The following LYPD6 variants were observed in gnomAD, a reference collection of about 807,000 sequenced individuals.
LYPD6 encodes LY6/PLAUR domain containing 6.
A neutral mutation model predicts 22.7 loss-of-function variants in LYPD6; 15 were observed. The ratio of observed to expected loss-of-function variants is 0.66; its 90% CI spans 0.44 to 1.02. The LOEUF is 1.02. Among genes scored for constraint, LYPD6 ranks in the 50% least tolerant of loss-of-function variants. The pLI, the probability that LYPD6 is intolerant of heterozygous loss-of-function variation, is 0.00. For synonymous variants in LYPD6, 72 were observed against 77.5 expected, an observed-to-expected ratio of 0.93 and a Z score of 0.37; for missense variants, 189 against 208.4, an observed-to-expected ratio of 0.91 and a Z score of 0.57.
At chr2:149,464,093 C>G (rs1681146710) in intron 3 of LYPD6, 1 of 405,288 alleles carries the variant, frequency 2.5e-6, no homozygotes, top group East Asian at 8.3e-5. Context: ...CTACAGTTAT[C>G]TCAAAATAAT....
intron 1 of LYPD6, among the ~76,000 whole-genome samples, chr2:149,428,702 T>C (rs1304670382): frequency 1.3e-5 from 2 of 152,206 alleles, no homozygotes; most frequent in African/African-American, 4.8e-5. Context: ...TACACATGAT[T>C]GGTGTTAGCA....
intron 1 of LYPD6, among the ~76,000 whole-genome samples, chr2:149,408,201 G>T (rs1478829001): frequency 6.6e-6 from 1 of 152,310 alleles, no homozygotes; most frequent in Admixed American, 6.5e-5. Context: ...ACCCACTTGA[G>T]GAGGCAGTCT....
At chr2:149,379,404 G>A (rs770793887) in intron 1 of LYPD6, among the ~76,000 whole-genome samples, 1 of 152,092 alleles carries the variant, frequency 6.6e-6, no homozygotes, top group Non-Finnish European at 1.5e-5. Context: ...AAATGTTTAC[G>A]CTTAAATTTT....
intron 1 of LYPD6, among the ~76,000 whole-genome samples, chr2:149,349,730 T>C (rs564782201): frequency 5.9e-5 from 9 of 152,298 alleles, no homozygotes; most frequent in South Asian, 4.1e-4. Flanking sequence ...GAAACTGACA[T>C]GTGGGGAATT....
At chr2:149,385,555 G>A (rs1355141802) in intron 1 of LYPD6, among the ~76,000 whole-genome samples, 3 of 152,182 alleles carry the variant, frequency 2.0e-5, no homozygotes, top group Non-Finnish European at 4.4e-5. Context: ...CCAGGCAGTT[G>A]GAGTGATTTA....
At chr2:149,426,742 G>A (rs1683195745) in intron 1 of LYPD6, among the ~76,000 whole-genome samples, 1 of 152,168 alleles carries the variant, frequency 6.6e-6, no homozygotes, top group Non-Finnish European at 1.5e-5. Flanking sequence ...AGAGTGGTTT[G>A]TTTACATTTG....
chr2:149,331,398 A>G (rs1680935450), intron 1 of LYPD6, among the ~76,000 whole-genome samples: 1 of 152,140 alleles, frequency 6.6e-6, no homozygotes, highest in African/African-American at 2.4e-5. Context: ...TACAACCTAA[A>G]GCTCACTATC....
intron 4 of LYPD6, 32 bp downstream of exon 4, chr2:149,468,807 C>T (rs1388767963): frequency 3.7e-6 from 6 of 1,608,822 alleles, no homozygotes; most frequent in African/African-American, 2.7e-5. Context: ...ACCAGTACTA[C>T]ATAGCCAGCT....
chr2:149,394,893 A>G (rs1201082183), intron 1 of LYPD6, among the ~76,000 whole-genome samples: 1 of 152,178 alleles, frequency 6.6e-6, no homozygotes, highest in Non-Finnish European at 1.5e-5. Context: ...GTCACCCTCC[A>G]AAGCGGTATT....
intron 1 of LYPD6, among the ~76,000 whole-genome samples, chr2:149,396,590 G>C (rs1682433796): frequency 6.6e-6 from 1 of 152,062 alleles, no homozygotes; most frequent in East Asian, 1.9e-4. Context: ...TGTCCCTGGA[G>C]ATCTCTGCTC....
intron 1 of LYPD6, among the ~76,000 whole-genome samples, chr2:149,402,091 T>C (rs1251424551): frequency 6.6e-6 from 1 of 152,138 alleles, no homozygotes; most frequent in African/African-American, 2.4e-5. Flanking sequence ...TATACCTATG[T>C]AACAAACCTG....
chr2:149,393,475 C>A, intron 1 of LYPD6, among the ~76,000 whole-genome samples: 1 of 152,102 alleles, frequency 6.6e-6, no homozygotes, highest in East Asian at 1.9e-4. Context: ...AAGTAAATAG[C>A]CTCATAGTTG....
At chr2:149,356,560 G>A (rs764822380) in intron 1 of LYPD6, among the ~76,000 whole-genome samples, 21 of 152,202 alleles carry the variant, frequency 1.4e-4, no homozygotes, top group Non-Finnish European at 2.1e-4. Context: ...AAAGAACTTG[G>A]GGCAAGACAT....
At chr2:149,360,732 C>T (rs1295423228) in intron 1 of LYPD6, among the ~76,000 whole-genome samples, 5 of 151,896 alleles carry the variant, frequency 3.3e-5, no homozygotes, top group Non-Finnish European at 7.4e-5. Context: ...ATGATGGGTT[C>T]AGTAGCCTTC....
intron 1 of LYPD6, among the ~76,000 whole-genome samples, chr2:149,415,284 G>T (rs147170708): frequency 5.3e-5 from 8 of 152,252 alleles, no homozygotes; most frequent in Admixed American, 2.0e-4. Flanking sequence ...ATCAACTCTC[G>T]TCCTTAGACT....
intron 3 of LYPD6, among the ~76,000 whole-genome samples, chr2:149,456,478 AC>A (rs1680960641): frequency 6.6e-6 from 1 of 151,988 alleles, no homozygotes; most frequent in Admixed American, 6.6e-5. Context: ...TTTTCCCCCT[AC>A]CTGCTCTCAA....
chr2:149,418,594 C>T (rs921193519), intron 1 of LYPD6, among the ~76,000 whole-genome samples: 4 of 150,772 alleles, frequency 2.7e-5, no homozygotes, highest in Non-Finnish European at 5.9e-5. Flanking sequence ...TCTCTCGAGA[C>T]CTTGCGCTAT....
chr2:149,426,172 G>A (rs896750286), intron 1 of LYPD6, among the ~76,000 whole-genome samples: 1 of 152,142 alleles, frequency 6.6e-6, no homozygotes, highest in African/African-American at 2.4e-5. Context: ...GCACAGGCTG[G>A]CTCTTCTCTG....
chr2:149,426,376 G>C (rs138948100), intron 1 of LYPD6, among the ~76,000 whole-genome samples: 1 of 152,292 alleles, frequency 6.6e-6, no homozygotes, highest in Non-Finnish European at 1.5e-5. Context: ...AGTATGAGTT[G>C]GTTCTTCCCA....
Sources: allele counts gnomAD v4.1 joint callset (sites outside exome capture counted in the v4.1 genomes callset), GRCh38; gene constraint gnomAD v4.1.1; transcripts MANE v1.5; gene names NCBI Gene and HGNC (gene_info 2026-07-23, HGNC 2026-07-21).